The following SLCO6A1 variants were observed in gnomAD, a reference collection of about 807,000 sequenced individuals.
SLCO6A1 encodes the protein cancer/testis antigen 48.
SLCO6A1 carries 65 observed loss-of-function variants against 72.7 expected under a neutral mutation model. The ratio of observed to expected loss-of-function variants is 0.89; its 90% CI spans 0.73 to 1.10. The LOEUF (loss-of-function observed/expected upper bound fraction) is 1.10. Among genes scored for constraint, SLCO6A1 ranks in the 50% least tolerant of loss-of-function variants. SLCO6A1 has a pLI of 0.00. For synonymous variants in SLCO6A1, 314 were observed against 298.2 expected (o/e 1.05, Z -0.55); for missense variants, 874 against 872.6 (o/e 1.00, Z -0.02).
intron 12 of SLCO6A1, among the ~76,000 whole-genome samples, chr5:102,385,455 A>T (rs1338863583): frequency 2.0e-5 from 3 of 152,148 alleles, no homozygotes; most frequent in African/African-American, 7.2e-5. Context: ...GGTTTGCTTC[A>T]TGGTGTTCTG....
chr5:102,498,940 G>A lies in SLCO6A1; in HGVS notation c.-96C>T, dbSNP rs1169142335. On this transcript the variant is annotated 5_prime_UTR_variant, in exon 1 of 14. Transcript: ENST00000506729. ...CAAAGGCCAGCCTGGCGAGGGCGTC[G>A]GAGGACTCGGTGGCCACAAGGGGCT... The A allele has an allele frequency of 4.1e-6, 5 of 1,205,954 alleles. No individual in the cohort carries two copies. The African/African-American group carries it at 4.5e-5, about 11-fold the overall frequency. The allele number at this position is 1,205,954 out of a possible 1,614,324, so 74.7% of individuals were successfully genotyped here.
Position 102,399,754 on chromosome 5 carries a change from G to C in SLCO6A1, c.1627-12C>G. 1 of 1,491,248 alleles carries C rather than the reference G, an allele frequency of 6.7e-7. No individual in the cohort carries two copies. Among genetic ancestry groups the C allele is most frequent in the Non-Finnish European group, 9.0e-7 (1 of 1,112,706 alleles). The allele number at this position is 1,491,248 out of a possible 1,614,324, so 92.4% of individuals were successfully genotyped here. A position where few individuals can be genotyped will look rare whatever the true frequency, so the allele number is the denominator to read the frequency against. ...CAATTGTAGTACATCTGTGAGTATT[G>C]AAGACAGGAAACAATCTTTCAGAAA... On this transcript the variant is annotated splice_polypyrimidine_tract_variant and intron_variant, in intron 9 of 13. Transcript: ENST00000506729.
chr5:102,476,373 G>C (rs1390315400), intron 3 of SLCO6A1, among the ~76,000 whole-genome samples: 1 of 152,156 alleles, frequency 6.6e-6, no homozygotes, highest in Non-Finnish European at 1.5e-5. Context: ...TCAAGTAAGA[G>C]TTGATGTTAC....
chr5:102,389,624 T>C (rs896769943), intron 11 of SLCO6A1, among the ~76,000 whole-genome samples: 6 of 84,012 alleles, frequency 7.1e-5, no homozygotes, highest in South Asian at 3.6e-4. Context: ...TGAGTGATAG[T>C]ACTATTTTTA....
At chr5:102,428,391 T>C (rs971271057) in intron 7 of SLCO6A1, among the ~76,000 whole-genome samples, 7 of 152,126 alleles carry the variant, frequency 4.6e-5, no homozygotes, top group Admixed American at 6.6e-5. Flanking sequence ...GAAATAAATG[T>C]ACACTCCAAC....
At chr5:102,462,127 C>G (rs2112770574) in intron 4 of SLCO6A1, among the ~76,000 whole-genome samples, 1 of 152,060 alleles carries the variant, frequency 6.6e-6, no homozygotes, top group South Asian at 2.1e-4. Flanking sequence ...TCTTTTACAA[C>G]AGCTGCAATA....
At position 102,459,807 on chromosome 5, in the gene SLCO6A1, C is replaced by G. The variant is rs1459558701; in HGVS notation, c.900-30G>C. On this transcript the variant is annotated intron_variant, in intron 4 of 13. Transcript: ENST00000506729. The stretch of plus-strand genomic sequence containing the variant: ...AATAAAGAAAAGTGAAAAAAAAAAG[C>G]AACTTTAGGTATTTGATTACAACAA... The G allele has an allele frequency of 2.1e-5, 31 of 1,491,246 alleles. 1 individual carries two copies. The Admixed American group carries it at 7.2e-4, about 35-fold the overall frequency. The allele number at this position is 1,491,246 out of a possible 1,614,324, so 92.4% of individuals were successfully genotyped here.
chr5:102,425,530 A>T (rs1748845765), intron 7 of SLCO6A1, among the ~76,000 whole-genome samples: 1 of 152,194 alleles, frequency 6.6e-6, no homozygotes, highest in African/African-American at 2.4e-5. Context: ...CTACAAAGAG[A>T]ATAAAATACC....
chr5:102,452,503 G>T (rs993158612), intron 6 of SLCO6A1, among the ~76,000 whole-genome samples: 5 of 151,910 alleles, frequency 3.3e-5, no homozygotes, highest in Non-Finnish European at 7.4e-5. Context: ...TAACCTCGTG[G>T]ATATTATAAC....
At chr5:102,377,132 C>A (rs753082627) in intron 12 of SLCO6A1, among the ~76,000 whole-genome samples, 3 of 152,142 alleles carry the variant, frequency 2.0e-5, no homozygotes, top group Non-Finnish European at 2.9e-5. Context: ...CCACTTCACT[C>A]CAGCCTGGGT....
chr5:102,494,865 T>C (rs1034778621), intron 1 of SLCO6A1, among the ~76,000 whole-genome samples: 1 of 152,310 alleles, frequency 6.6e-6, no homozygotes, highest in Admixed American at 6.5e-5. Context: ...TAAATACTTA[T>C]ACAGCCCAGC....
intron 12 of SLCO6A1, among the ~76,000 whole-genome samples, chr5:102,381,069 C>T (rs1171161059): frequency 1.3e-5 from 2 of 151,652 alleles, no homozygotes; most frequent in East Asian, 1.9e-4. Flanking sequence ...TCACATTATT[C>T]GGTTATTTTT....
chr5:102,494,356 G>GA (rs1752817160), intron 1 of SLCO6A1, among the ~76,000 whole-genome samples: 1 of 152,116 alleles, frequency 6.6e-6, no homozygotes, highest in South Asian at 2.1e-4. Flanking sequence ...AAACCTTCAT[G>GA]ACACTGAGTT....
At chr5:102,478,348 AC>A (rs1752020003) in intron 2 of SLCO6A1, among the ~76,000 whole-genome samples, 3 of 152,082 alleles carry the variant, frequency 2.0e-5, no homozygotes, top group Non-Finnish European at 4.4e-5. Context: ...CTGACTTTTG[AC>A]CCTAGGCTAA....
chr5:102,426,814 C>G (rs1415420504), intron 7 of SLCO6A1, among the ~76,000 whole-genome samples: 1 of 152,172 alleles, frequency 6.6e-6, no homozygotes, highest in Non-Finnish European at 1.5e-5. Flanking sequence ...AAGACACATG[C>G]ACAAGTATGT....
At chr5:102,390,042 C>T (rs576120235) in intron 11 of SLCO6A1, among the ~76,000 whole-genome samples, 5 of 152,192 alleles carry the variant, frequency 3.3e-5, no homozygotes, top group African/African-American at 1.2e-4. Flanking sequence ...TGTGCCTAGC[C>T]GGGGTTATCT....
At chr5:102,483,854 T>A (rs924525116) in intron 1 of SLCO6A1, among the ~76,000 whole-genome samples, 2 of 152,232 alleles carry the variant, frequency 1.3e-5, no homozygotes, top group Non-Finnish European at 2.9e-5. Flanking sequence ...GTTTCTTTTT[T>A]CTCAAATCAA....
At chr5:102,483,136 C>T (rs921189856) in intron 1 of SLCO6A1, among the ~76,000 whole-genome samples, 1 of 151,900 alleles carries the variant, frequency 6.6e-6, no homozygotes, top group African/African-American at 2.4e-5. Context: ...ATCTATCTAT[C>T]TACTTCATTA....
At chr5:102,463,437 A>C (rs1751146470) in intron 4 of SLCO6A1, among the ~76,000 whole-genome samples, 2 of 152,232 alleles carry the variant, frequency 1.3e-5, no homozygotes, top group Non-Finnish European at 2.9e-5. Flanking sequence ...CCCAGAACAA[A>C]ATACGTCATA....
Sources: gnomAD v4.1 joint callset for allele counts (sites outside exome capture counted in the v4.1 genomes callset) on GRCh38, gnomAD v4.1.1 for gene constraint, MANE v1.5 for transcripts, NCBI Gene and HGNC (gene_info 2026-07-23, HGNC 2026-07-21) for gene names.